C1orf21: variants seen among roughly 807,000 people sequenced by gnomAD.
C1orf21 encodes uncharacterized protein C1orf21.
A neutral mutation model predicts 18.7 loss-of-function variants in C1orf21; 3 were observed. That is an observed-to-expected ratio of 0.16 (90% CI 0.07 to 0.42). The LOEUF (loss-of-function observed/expected upper bound fraction) is 0.42, where lower values mean the gene tolerates loss of function less well. C1orf21 is among the 10% of genes least tolerant of loss of function. C1orf21 has a pLI of 0.99. For missense variants in C1orf21, 104 were observed against 143.6 expected, an observed-to-expected ratio of 0.72 and a Z score of 1.41; for synonymous variants, 41 against 46.4, an observed-to-expected ratio of 0.88 and a Z score of 0.47.
intron 5 of C1orf21, among the ~76,000 whole-genome samples, chr1:184,601,492 T>C (rs1403282727): frequency 6.6e-6 from 1 of 152,230 alleles, no homozygotes; most frequent in Non-Finnish European, 1.5e-5. Context: ...TGGACTACTC[T>C]AATTCAGAGA....
chr1:184,487,843 C>T (rs1160996734), intron 2 of C1orf21, among the ~76,000 whole-genome samples: 5 of 152,128 alleles, frequency 3.3e-5, no homozygotes, highest in Non-Finnish European at 5.9e-5. Context: ...AAAACTAGTA[C>T]TTGCCTGCCT....
chr1:184,417,200 C>T (rs1223146374), intron 1 of C1orf21, among the ~76,000 whole-genome samples: 1 of 152,064 alleles, frequency 6.6e-6, no homozygotes, highest in African/African-American at 2.4e-5. Flanking sequence ...GCTGCAGACT[C>T]AGAGGATTAC....
At chr1:184,413,781 G>A (rs1318414593) in intron 1 of C1orf21, among the ~76,000 whole-genome samples, 1 of 152,144 alleles carries the variant, frequency 6.6e-6, no homozygotes, top group Non-Finnish European at 1.5e-5. Context: ...GTGTGGTGGG[G>A]TTATCTTCAG....
intron 3 of C1orf21, among the ~76,000 whole-genome samples, chr1:184,526,513 A>G (rs1658379496): frequency 6.6e-6 from 1 of 152,170 alleles, no homozygotes; most frequent in African/African-American, 2.4e-5. Flanking sequence ...TACAAATATA[A>G]AGCAGGTTGT....
In C1orf21 at chr1:184,525,361, A is replaced by G. The variant is rs796092304; in HGVS notation, c.189+17679A>G. The stretch of plus-strand genomic sequence containing the variant: ...AGTGTGATTGAATTATGATTTTCCA[A>G]CTTTACTAGTTTTAATTTTATTCCT... On this transcript the variant is annotated intron_variant, in intron 3 of 5. Transcript: ENST00000235307. Among the ~76,000 whole-genome samples, 12 of 152,150 alleles carry G rather than the reference A, an allele frequency of 7.9e-5. 2 individuals carry two copies. The highest frequency in any genetic ancestry group is 2.6e-4 in the African/African-American group (11 of 41,534).
chr1:184,537,135 A>T (rs1352182840), intron 3 of C1orf21, among the ~76,000 whole-genome samples: 1 of 152,132 alleles, frequency 6.6e-6, no homozygotes, highest in Non-Finnish European at 1.5e-5. Context: ...AATTGTGGTA[A>T]AATTCACATA....
chr1:184,390,168 A>G (rs1655949160), intron 1 of C1orf21, among the ~76,000 whole-genome samples: 1 of 152,238 alleles, frequency 6.6e-6, no homozygotes, highest in Admixed American at 6.5e-5. Flanking sequence ...AAATATAAAG[A>G]GAGGAGAGAG....
chr1:184,484,063 A>T (rs1178660629), intron 2 of C1orf21, among the ~76,000 whole-genome samples: 1 of 151,984 alleles, frequency 6.6e-6, no homozygotes, highest in Non-Finnish European at 1.5e-5. Context: ...AGCTGGGATT[A>T]CAGGCACCCA....
chr1:184,523,439 A>T (rs1022068558), intron 3 of C1orf21, among the ~76,000 whole-genome samples: 1 of 152,140 alleles, frequency 6.6e-6, no homozygotes, highest in Non-Finnish European at 1.5e-5. Context: ...TCTGACTGGT[A>T]CTCCTGAAAA....
At chr1:184,414,817 C>T (rs1253105690) in intron 1 of C1orf21, among the ~76,000 whole-genome samples, 2 of 152,180 alleles carry the variant, frequency 1.3e-5, no homozygotes, top group African/African-American at 2.4e-5. Flanking sequence ...GGAGCTAAAA[C>T]TGATGGGTCT....
At chr1:184,579,149 T>C (rs1659237177) in intron 3 of C1orf21, among the ~76,000 whole-genome samples, 1 of 151,256 alleles carries the variant, frequency 6.6e-6, no homozygotes, top group Non-Finnish European at 1.5e-5. Context: ...ACAATTCTTG[T>C]GCTTCAGCCT....
At chr1:184,618,718 AC>A (rs1416050010) in intron 5 of C1orf21, among the ~76,000 whole-genome samples, 1 of 151,148 alleles carries the variant, frequency 6.6e-6, no homozygotes, top group Admixed American at 6.6e-5. Flanking sequence ...TAATAATAAC[AC>A]CTGACTTTTT....
intron 5 of C1orf21, among the ~76,000 whole-genome samples, chr1:184,611,110 A>G (rs960620780): frequency 2.0e-5 from 3 of 152,316 alleles, no homozygotes; most frequent in Non-Finnish European, 2.9e-5. Context: ...AGCTGAAACA[A>G]TAACACGTGA....
intron 3 of C1orf21, among the ~76,000 whole-genome samples, chr1:184,568,978 T>G (rs542911317): frequency 1.3e-5 from 2 of 152,340 alleles, no homozygotes; most frequent in East Asian, 3.9e-4. Context: ...GGATAAGACG[T>G]GAACACCGTC....
intron 1 of C1orf21, among the ~76,000 whole-genome samples, chr1:184,391,807 A>G (rs1655974619): frequency 1.3e-5 from 2 of 151,902 alleles, no homozygotes; most frequent in South Asian, 4.1e-4. Context: ...TCCTGGGTCC[A>G]AGCAATTCTC....
intron 1 of C1orf21, among the ~76,000 whole-genome samples, chr1:184,401,002 C>T (rs554281942): frequency 1.3e-5 from 2 of 152,212 alleles, no homozygotes; most frequent in Non-Finnish European, 2.9e-5. Context: ...AGAGCCTCAC[C>T]AATAGAAAAA....
intron 3 of C1orf21, among the ~76,000 whole-genome samples, chr1:184,523,084 A>G (rs887741186): frequency 5.3e-5 from 8 of 152,246 alleles, no homozygotes; most frequent in Non-Finnish European, 1.0e-4. Flanking sequence ...GAATTGATAA[A>G]TCTGTGCAGA....
chr1:184,506,069 T>C (rs1243554016), intron 2 of C1orf21, among the ~76,000 whole-genome samples: 1 of 152,196 alleles, frequency 6.6e-6, no homozygotes, highest in East Asian at 1.9e-4. Context: ...TGTATTGTAA[T>C]TGTGGATCAG....
chr1:184,414,929 GA>G (rs1451906601), intron 1 of C1orf21, among the ~76,000 whole-genome samples: 6 of 152,144 alleles, frequency 3.9e-5, no homozygotes, highest in South Asian at 2.1e-4. Flanking sequence ...TTGCTTTCAT[GA>G]TTTTGTTTTT....
Sources: gnomAD v4.1 joint callset for allele counts (sites outside exome capture counted in the v4.1 genomes callset) on GRCh38, gnomAD v4.1.1 for gene constraint, MANE v1.5 for transcripts, NCBI Gene and HGNC (gene_info 2026-07-23, HGNC 2026-07-21) for gene names.